The following RETREG1 variants were observed in gnomAD, a reference collection of about 807,000 sequenced individuals.
RETREG1 encodes family with sequence similarity 134 member B.
RETREG1 carries 44 observed loss-of-function variants against 54.8 expected under a neutral mutation model. The observed-to-expected ratio is 0.80, with a 90% CI of 0.63 to 1.03. The LOEUF (loss-of-function observed/expected upper bound fraction) is 1.03. Among genes scored for constraint, RETREG1 ranks in the 50% least tolerant of loss-of-function variants. The pLI is 0.00. For synonymous variants in RETREG1, 217 were observed against 238.5 expected (o/e 0.91, Z 0.83); for missense variants, 554 against 605.1 (o/e 0.92, Z 0.89).
intron 3 of RETREG1, among the ~76,000 whole-genome samples, chr5:16,495,452 G>T (rs1739413290): frequency 2.6e-5 from 4 of 152,188 alleles, no homozygotes. Flanking sequence ...ATGACATAAT[G>T]GTTTTTGTGA....
In RETREG1 at chr5:16,577,271, T is replaced by C. The variant is rs184368177; in HGVS notation, c.321-5169A>G. Among the ~76,000 whole-genome samples the C allele has an allele frequency of 5.5e-3, 822 of 150,484 alleles. 24 individuals carry two copies. The highest frequency in any genetic ancestry group is 1.6e-3 in the Non-Finnish European group (110 of 67,756). On this transcript the variant is annotated intron_variant, in intron 1 of 8. Coordinates refer to ENST00000306320, the MANE Select transcript of RETREG1 (RefSeq NM_001034850.3). ...TAAGTTGGCACGTGGATCTAGAGGCTTGATAAGACTTAGGTTTGTTTTTTT... is the reference window on the plus strand; with the variant it reads ...TAAGTTGGCACGTGGATCTAGAGGCCTGATAAGACTTAGGTTTGTTTTTTT...
rs1382810565 is a variant in RETREG1 at position 16,585,517 on chromosome 5, C to G, written c.321-13415G>C. Among the ~76,000 whole-genome samples, 1 of 152,188 alleles carries G rather than the reference C, an allele frequency of 6.6e-6. No individual in the cohort carries two copies. The highest frequency in any genetic ancestry group is 1.5e-5 in the Non-Finnish European group (1 of 68,022). On this transcript the variant is annotated intron_variant, in intron 1 of 8. Coordinates refer to ENST00000306320, the MANE Select transcript of RETREG1 (RefSeq NM_001034850.3). The surrounding 1 kb of genome is among the most constrained non-coding windows in gnomAD (Gnocchi z 4.5). ...TGTATAAATTGAATACCTGCCCACT[C>G]CTATTCCACCTTCTACCTGACCTGG...
At position 16,593,277 on chromosome 5, in the gene RETREG1, G is replaced by A. The variant is rs1742824634; in HGVS notation, c.321-21175C>T. ...CACGCCTTCTGACTCCCACTTGTAT[G>A]CTGGTTTGCTTGGCCATTTGTTTCC... On this transcript the variant is annotated intron_variant, in intron 1 of 8. Coordinates refer to ENST00000306320, the MANE Select transcript of RETREG1 (RefSeq NM_001034850.3). The surrounding 1 kb of genome is among the most constrained non-coding windows in gnomAD (Gnocchi z 4.9). 6.6e-6 allele frequency among the ~76,000 whole-genome samples: 1 copy of A among 152,098 alleles called. No homozygotes were observed. Among genetic ancestry groups the A allele is most frequent in the Non-Finnish European group, 1.5e-5 (1 of 68,028 alleles).
Position 16,593,759 on chromosome 5 carries a change from T to C in RETREG1, c.321-21657A>G, listed in dbSNP as rs1246488331. ...AATCTAGCTCTCCTAATTTGCCCCA[T>C]ACTAAAGTCATGTTGCAATGGTGTG... On this transcript the variant is annotated intron_variant, in intron 1 of 8. Coordinates refer to ENST00000306320, the MANE Select transcript of RETREG1 (RefSeq NM_001034850.3). The surrounding 1 kb of genome is among the most constrained non-coding windows in gnomAD (Gnocchi z 4.9). 6.6e-6 allele frequency among the ~76,000 whole-genome samples: 1 copy of C among 152,220 alleles called. No individual in the cohort carries two copies. The highest frequency in any genetic ancestry group is 2.4e-5 in the African/African-American group (1 of 41,462).
At chr5:16,508,646 G>C (rs748783698) in intron 3 of RETREG1, 2 of 1,613,896 alleles carry the variant, frequency 1.2e-6, no homozygotes, top group Non-Finnish European at 8.5e-7. Context: ...AGTGGCAAAG[G>C]CTGCAGCACC....
intron 1 of RETREG1, among the ~76,000 whole-genome samples, chr5:16,604,938 T>C (rs923399618): frequency 1.3e-5 from 2 of 152,184 alleles, no homozygotes; most frequent in Non-Finnish European, 2.9e-5. Context: ...AAATTTCCCA[T>C]AAGACATTTA....
At chr5:16,588,358 A>C (rs1742672740) in intron 1 of RETREG1, among the ~76,000 whole-genome samples, 1 of 152,176 alleles carries the variant, frequency 6.6e-6, no homozygotes, top group South Asian at 2.1e-4. Flanking sequence ...ATATTGAATC[A>C]GGGCCCACCC....
chr5:16,573,112 G>T (rs1742225487), intron 1 of RETREG1, among the ~76,000 whole-genome samples: 1 of 150,142 alleles, frequency 6.7e-6, no homozygotes, highest in African/African-American at 2.5e-5. Flanking sequence ...AACCTGGGAG[G>T]CGGAGGTTGC....
chr5:16,525,160 G>A (rs1740667019), intron 3 of RETREG1, among the ~76,000 whole-genome samples: 1 of 147,808 alleles, frequency 6.8e-6, no homozygotes, highest in Non-Finnish European at 1.5e-5. Context: ...TCCGGCTCCT[G>A]CAGGTGGATG....
intron 3 of RETREG1, among the ~76,000 whole-genome samples, chr5:16,519,796 T>G (rs1406231318): frequency 3.9e-5 from 6 of 152,210 alleles, no homozygotes; most frequent in Non-Finnish European, 7.3e-5. Flanking sequence ...CGTGCCTGGA[T>G]AGGCCACAAA....
At chr5:16,607,016 G>C (rs1268675249) in intron 1 of RETREG1, among the ~76,000 whole-genome samples, 2 of 151,922 alleles carry the variant, frequency 1.3e-5, no homozygotes, top group African/African-American at 2.4e-5. Flanking sequence ...CCTCTGCCTG[G>C]AACACTCCCC....
At chr5:16,513,401 G>A (rs140992724) in intron 3 of RETREG1, among the ~76,000 whole-genome samples, 1 of 152,332 alleles carries the variant, frequency 6.6e-6, no homozygotes, top group East Asian at 1.9e-4. Context: ...TGTCTTTAGA[G>A]CCGCAACAGC....
intron 1 of RETREG1, among the ~76,000 whole-genome samples, chr5:16,615,370 A>C (rs1270986646): frequency 6.9e-6 from 1 of 145,016 alleles, no homozygotes; most frequent in Non-Finnish European, 1.5e-5. Context: ...ACTGCACTCC[A>C]GCCTGGGCGA....
At chr5:16,560,359 G>A (rs901690908) in intron 3 of RETREG1, among the ~76,000 whole-genome samples, 2 of 152,214 alleles carry the variant, frequency 1.3e-5, no homozygotes, top group African/African-American at 4.8e-5. Context: ...GGAAGGAAAG[G>A]AGAAGTTCCT....
chr5:16,542,337 G>T (rs1012238907), intron 3 of RETREG1, among the ~76,000 whole-genome samples: 1 of 152,238 alleles, frequency 6.6e-6, no homozygotes, highest in Non-Finnish European at 1.5e-5. Context: ...CTGAGGGGAG[G>T]TTACAGCATG....
At position 16,598,202 on chromosome 5, in the gene RETREG1, G is replaced by A. The variant is rs535721489; in HGVS notation, c.320+18450C>T. Among the ~76,000 whole-genome samples the A allele has an allele frequency of 4.5e-4, 68 of 152,280 alleles. 1 individual carries two copies. The South Asian group carries it at 0.012, about 27-fold the overall frequency. On this transcript the variant is annotated intron_variant, in intron 1 of 8. Transcript: ENST00000306320. ...TGCACACCCCAGCAACCTGGCCAAC[G>A]CCTACTGACTCTCTACGTCCAGCTA...
In RETREG1 at chr5:16,474,285, G is replaced by GA. The variant is rs140982908; in HGVS notation, c.*455dup. The GA allele has an allele frequency of 0.078, 11,993 of 154,714 alleles. 1,157 individuals are homozygous for GA. The highest frequency in any genetic ancestry group is 0.24 in the African/African-American group (9,689 of 41,204). 9.6% of individuals were successfully genotyped at this position (154,714 alleles called of 1,614,324 possible). On this transcript the variant is annotated 3_prime_UTR_variant, in exon 9 of 9. Transcript: ENST00000306320. ...TTTTTTACATCAAAATCTATCCGTT[G>GA]AAAAAAAAATTTTCCAGGTATTAGG... is the stretch of plus-strand genomic sequence containing the variant.
intron 3 of RETREG1, among the ~76,000 whole-genome samples, chr5:16,551,893 A>ACCTGTTTT (rs1397380013): frequency 6.6e-6 from 1 of 152,052 alleles, no homozygotes; most frequent in African/African-American, 2.4e-5. Context: ...TCTAGAGGCC[A>ACCTGTTTT]CCTGTTTTCC....
intron 1 of RETREG1, 72 bp from the exon 2 acceptor site, chr5:16,572,174 C>A: frequency 9.4e-7 from 1 of 1,059,260 alleles, no homozygotes; most frequent in South Asian, 1.3e-5. Context: ...GGTTTACTTC[C>A]TGCCACAGAA....
Sources: allele counts gnomAD v4.1 joint callset (sites outside exome capture counted in the v4.1 genomes callset), GRCh38; gene constraint gnomAD v4.1.1; non-coding constraint Gnocchi (gnomAD v3.1); transcripts MANE v1.5; gene names NCBI Gene and HGNC (gene_info 2026-07-23, HGNC 2026-07-21).